Variants in ARB2A observed in about 807,000 individuals in gnomAD.
ARB2A encodes ARB2 cotranscriptional regulator A, also known as cotranscriptional regulator ARB2A.
chr5:94,103,531 G>T, the ARB2A span, among the ~76,000 whole-genome samples: 1 of 152,006 alleles, frequency 6.6e-6, no homozygotes, highest in Non-Finnish European at 1.5e-5. Flanking sequence ...AGTTCTTAGA[G>T]ACCTACAAAG....
chr5:93,872,853 T>A, the ARB2A span, among the ~76,000 whole-genome samples: 1 of 150,526 alleles, frequency 6.6e-6, no homozygotes, highest in Non-Finnish European at 1.5e-5. Flanking sequence ...GGAGGCAGAG[T>A]TTGCAGTGAG....
chr5:93,619,559 A>G, the ARB2A span: 1 of 152,238 alleles, frequency 6.6e-6, no homozygotes, highest in Admixed American at 6.5e-5. Context: ...GTCCTCAAAT[A>G]AGGCAGGCAT....
At chr5:94,073,803 T>G in the ARB2A span, among the ~76,000 whole-genome samples, 1 of 152,114 alleles carries the variant, frequency 6.6e-6, no homozygotes, top group Admixed American at 6.5e-5. Flanking sequence ...AATTCCTCTC[T>G]TTCCATTCTC....
the ARB2A span, among the ~76,000 whole-genome samples, chr5:93,879,062 A>G: frequency 6.6e-6 from 1 of 152,124 alleles, no homozygotes; most frequent in Non-Finnish European, 1.5e-5. Context: ...GTATATAAAT[A>G]AAAGTTAGTT....
the ARB2A span, among the ~76,000 whole-genome samples, chr5:93,982,744 T>G: frequency 6.6e-6 from 1 of 152,144 alleles, no homozygotes; most frequent in Admixed American, 6.5e-5. Flanking sequence ...CATAAGGGTG[T>G]ATTTCTGTAT....
the ARB2A span, among the ~76,000 whole-genome samples, chr5:94,054,177 A>T: frequency 6.6e-6 from 1 of 152,206 alleles, no homozygotes; most frequent in Admixed American, 6.5e-5. Flanking sequence ...ACATCATGTC[A>T]CATTTGTCAA....
chr5:93,645,150 G>T, the ARB2A span, among the ~76,000 whole-genome samples: 6,740 of 152,210 alleles, frequency 0.044, 297 homozygotes, highest in East Asian at 0.23. Context: ...GACTAACACA[G>T]AAGGCAACAT....
At chr5:93,958,570 T>C in the ARB2A span, among the ~76,000 whole-genome samples, 33 of 152,122 alleles carry the variant, frequency 2.2e-4, no homozygotes, top group Admixed American at 2.0e-3. Flanking sequence ...AAAGACATTA[T>C]TTAAATCTTT....
the ARB2A span, among the ~76,000 whole-genome samples, chr5:93,853,692 C>G: frequency 6.6e-6 from 1 of 152,096 alleles, no homozygotes; most frequent in African/African-American, 2.4e-5. Flanking sequence ...TGTCAAAGGC[C>G]TTTTCTGCAT....
chr5:93,846,633 T>C, the ARB2A span, among the ~76,000 whole-genome samples: 48 of 152,328 alleles, frequency 3.2e-4, no homozygotes, highest in Non-Finnish European at 5.0e-4. Flanking sequence ...GTTATTTATA[T>C]ACTTGCTATA....
the ARB2A span, among the ~76,000 whole-genome samples, chr5:93,682,281 A>G: frequency 6.6e-6 from 1 of 151,008 alleles, no homozygotes; most frequent in Non-Finnish European, 1.5e-5. Context: ...AAGCCATTTG[A>G]TCTTGCCCAC....
chr5:94,016,512 T>TA, the ARB2A span, among the ~76,000 whole-genome samples: 8 of 152,202 alleles, frequency 5.3e-5, no homozygotes, highest in African/African-American at 1.9e-4. Context: ...AAGGCTATCA[T>TA]AAAGTTTTTT....
chr5:93,902,773 CAA>C, the ARB2A span, among the ~76,000 whole-genome samples: 48 of 152,068 alleles, frequency 3.2e-4, 1 homozygote, highest in Admixed American at 3.0e-3. Context: ...TTCATTTCCA[CAA>C]AGACACCTCA....
the ARB2A span, among the ~76,000 whole-genome samples, chr5:93,715,804 T>A: frequency 2.0e-5 from 3 of 152,108 alleles, no homozygotes; most frequent in African/African-American, 7.2e-5. Context: ...AAAAAATGCT[T>A]GTTAGAAAAG....
the ARB2A span, among the ~76,000 whole-genome samples, chr5:93,996,897 G>A: frequency 2.0e-5 from 3 of 152,000 alleles, no homozygotes; most frequent in African/African-American, 7.2e-5. Flanking sequence ...AATGTGAAGT[G>A]TAATTCTTGT....
the ARB2A span, chr5:93,805,762 T>C: frequency 2.0e-6 from 2 of 985,220 alleles, no homozygotes; most frequent in Non-Finnish European, 2.4e-6. Context: ...TTGCTCATGG[T>C]CACTTGCATT....
the ARB2A span, among the ~76,000 whole-genome samples, chr5:93,657,002 G>A: frequency 4.6e-5 from 7 of 152,132 alleles, no homozygotes; most frequent in East Asian, 3.9e-4. Context: ...TGTGAACTGC[G>A]GATATGGAAG....
chr5:94,106,970 T>C, the ARB2A span, among the ~76,000 whole-genome samples: 4 of 147,454 alleles, frequency 2.7e-5, no homozygotes, highest in Middle Eastern at 3.7e-3. Flanking sequence ...CAATACACAA[T>C]GGGGTCTACT....
chr5:93,782,291 T>A, the ARB2A span, among the ~76,000 whole-genome samples: 2 of 152,194 alleles, frequency 1.3e-5, no homozygotes, highest in African/African-American at 2.4e-5. Context: ...TCCTTGATTA[T>A]CACCTTTGGT....
Sources: gnomAD v4.1 joint callset for allele counts (sites outside exome capture counted in the v4.1 genomes callset) on GRCh38, gnomAD v4.1.1 for gene constraint, MANE v1.5 for transcripts, NCBI Gene and HGNC (gene_info 2026-07-23, HGNC 2026-07-21) for gene names.